Variants in NOX4 observed in about 807,000 individuals in gnomAD.
NOX4 encodes the protein kidney oxidase-1.
A neutral mutation model predicts 87.6 loss-of-function variants in NOX4; 69 were observed. The observed-to-expected ratio is 0.79, with a 90% CI of 0.65 to 0.96. NOX4 has a LOEUF of 0.96. Ranked by LOEUF, NOX4 falls within the 40% of genes least tolerant of loss-of-function variation. The pLI, the probability that NOX4 is intolerant of heterozygous loss-of-function variation, is 0.00. For missense variants in NOX4, 680 were observed against 681.5 expected, an observed-to-expected ratio of 1.00 and a Z score of 0.02; for synonymous variants, 275 against 238.2, an observed-to-expected ratio of 1.15 and a Z score of -1.42.
chr11:89,406,867 G>A (rs552280714), intron 8 of NOX4, among the ~76,000 whole-genome samples: 44 of 152,234 alleles, frequency 2.9e-4, no homozygotes, highest in African/African-American at 1.0e-3. Flanking sequence ...CCTCTTGAGA[G>A]TAGAGATGGG....
At chr11:89,419,440 G>A (rs1297773736) in intron 8 of NOX4, among the ~76,000 whole-genome samples, 1 of 151,536 alleles carries the variant, frequency 6.6e-6, no homozygotes, top group African/African-American at 2.4e-5. Context: ...TTAATTTTGA[G>A]AAAATGGTAA....
intron 16 of NOX4, among the ~76,000 whole-genome samples, chr11:89,336,717 A>C (rs934870343): frequency 2.7e-4 from 41 of 151,992 alleles, no homozygotes; most frequent in Non-Finnish European, 1.2e-4. Flanking sequence ...ATATTGACTT[A>C]CTTCGTGAGA....
chr11:89,369,430 C>T (rs116676205), intron 12 of NOX4, among the ~76,000 whole-genome samples: 5,248 of 152,138 alleles, frequency 0.034, 137 homozygotes, highest in Non-Finnish European at 0.056. Flanking sequence ...TCTATAAGAG[C>T]GGAGACTTTG....
intron 11 of NOX4, among the ~76,000 whole-genome samples, chr11:89,374,007 T>C (rs1240459532): frequency 6.6e-6 from 1 of 152,000 alleles, no homozygotes. Context: ...TCAGAAGACA[T>C]CTGGAGTGGT....
chr11:89,583,634 T>A, the NOX4 span, among the ~76,000 whole-genome samples: 1 of 152,160 alleles, frequency 6.6e-6, no homozygotes, highest in African/African-American at 2.4e-5. Context: ...GGATTTGCTA[T>A]AATAAGTTAT....
At chr11:89,338,622 C>T (rs1416952004) in intron 15 of NOX4, among the ~76,000 whole-genome samples, 4 of 152,138 alleles carry the variant, frequency 2.6e-5, no homozygotes, top group Admixed American at 6.6e-5. Flanking sequence ...GCCTGTCCTA[C>T]TATTCTTTCT....
the NOX4 span, among the ~76,000 whole-genome samples, chr11:89,531,360 AC>A: frequency 2.0e-5 from 3 of 152,242 alleles, no homozygotes; most frequent in African/African-American, 7.2e-5. Context: ...ATTTTAAGAC[AC>A]CTAGATTACC....
chr11:89,340,928 T>C (rs1945966196), intron 14 of NOX4, among the ~76,000 whole-genome samples: 1 of 152,068 alleles, frequency 6.6e-6, no homozygotes, highest in Admixed American at 6.6e-5. Flanking sequence ...TAAAATATCA[T>C]TCAAACACAT....
At chr11:89,579,470 T>TAA in the NOX4 span, among the ~76,000 whole-genome samples, 1 of 146,292 alleles carries the variant, frequency 6.8e-6, no homozygotes, top group East Asian at 2.0e-4. Context: ...AAAACTGCTT[T>TAA]AAAAAAAAAA....
intron 11 of NOX4, among the ~76,000 whole-genome samples, chr11:89,394,902 T>G (rs1565233231): frequency 6.6e-6 from 1 of 152,204 alleles, no homozygotes; most frequent in African/African-American, 2.4e-5. Context: ...CACTCTATCA[T>G]TGATGGACAT....
chr11:89,330,592 G>C (rs1023832697), intron 17 of NOX4, among the ~76,000 whole-genome samples: 52 of 143,862 alleles, frequency 3.6e-4, no homozygotes, highest in Non-Finnish European at 6.3e-4. Context: ...AAGGAATCCA[G>C]TTCAGGAACC....
rs541675557 is a variant in NOX4, at chr11:89,384,468, G to A, written c.1075-10976C>T. ...CACACATGCTCTCCCAGCTGATCAT[G>A]TCTGGCTAATCTCCCAAACCCCAAC... On this transcript the variant is annotated intron_variant, in intron 11 of 17. Coordinates refer to ENST00000263317, the MANE Select transcript of NOX4 (RefSeq NM_016931.5). Among the ~76,000 whole-genome samples, 8 of 152,256 alleles carry A rather than the reference G, an allele frequency of 5.3e-5. No homozygotes were observed. In the East Asian group the frequency reaches 1.5e-3, roughly 29 times the overall value.
At chr11:89,416,366 G>T (rs1301569832) in intron 8 of NOX4, among the ~76,000 whole-genome samples, 12 of 152,276 alleles carry the variant, frequency 7.9e-5, no homozygotes, top group Admixed American at 2.0e-4. Context: ...CCCACCAGTA[G>T]CAAGATGACC....
At chr11:89,572,651 G>A in the NOX4 span, among the ~76,000 whole-genome samples, 346 of 152,256 alleles carry the variant, frequency 2.3e-3, no homozygotes, top group Middle Eastern at 6.8e-3. Context: ...CCGGGTTCAC[G>A]CCATTCTCCT....
the NOX4 span, among the ~76,000 whole-genome samples, chr11:89,512,690 T>C: frequency 6.6e-6 from 1 of 152,166 alleles, no homozygotes; most frequent in Non-Finnish European, 1.5e-5. Flanking sequence ...TTAGGTTGTT[T>C]CCATATCTTG....
the NOX4 span, among the ~76,000 whole-genome samples, chr11:89,505,707 C>G: frequency 1.3e-5 from 2 of 151,886 alleles, no homozygotes; most frequent in East Asian, 3.9e-4. Context: ...GGATAATTTG[C>G]TAGTGTAAAA....
chr11:89,388,164 G>A (rs1349697140), intron 11 of NOX4, among the ~76,000 whole-genome samples: 2 of 152,136 alleles, frequency 1.3e-5, no homozygotes, highest in African/African-American at 2.4e-5. Context: ...TAAAAATGGA[G>A]AATTATCTCA....
chr11:89,330,283 A>C (rs1023360126), intron 17 of NOX4, among the ~76,000 whole-genome samples: 1 of 152,030 alleles, frequency 6.6e-6, no homozygotes, highest in Non-Finnish European at 1.5e-5. Flanking sequence ...CAGGAATTCA[A>C]GGTTGCAGTG....
the NOX4 span, among the ~76,000 whole-genome samples, chr11:89,564,253 G>T: frequency 1.3e-5 from 2 of 152,152 alleles, no homozygotes; most frequent in Non-Finnish European, 2.9e-5. Flanking sequence ...TTGCAGTTCT[G>T]CAGGCTATAC....
Sources: allele counts gnomAD v4.1 joint callset (sites outside exome capture counted in the v4.1 genomes callset), GRCh38; gene constraint gnomAD v4.1.1; transcripts MANE v1.5; gene names NCBI Gene and HGNC (gene_info 2026-07-23, HGNC 2026-07-21).